STARD9: variants seen among roughly 807,000 people sequenced by gnomAD.
STARD9 encodes the protein stAR-related lipid transfer protein 9.
In STARD9, 346 loss-of-function variants were observed where a neutral mutation model predicts 399.8. That is an observed-to-expected ratio of 0.87 (90% CI 0.79 to 0.95). The LOEUF is 0.95. STARD9 is among the 40% of genes least tolerant of loss of function. The pLI is 0.00. For synonymous variants in STARD9, 2,203 were observed against 2,143.5 expected (o/e 1.03, Z -0.77); for missense variants, 5,832 against 5,667.5 (o/e 1.03, Z -0.93).
In STARD9 at chr15:42,638,808, A is replaced by G. The variant is rs1323639394; in HGVS notation, c.555A>G (p.Val185=). The G allele has an allele frequency of 4.6e-6, 7 of 1,525,356 alleles. No individual in the cohort carries two copies. The highest frequency in any genetic ancestry group is 6.1e-6 in the Non-Finnish European group (7 of 1,138,632). The allele number at this position is 1,525,356 out of a possible 1,614,324, so 94.5% of individuals were successfully genotyped here. Residue 185 remains valine (V), a synonymous_variant, in exon 7 of 33, where the codon GTA becomes GTG. Transcript: ENST00000290607. ...VREHPEMGPY[V]QGLSQHVVTN... is the part of the protein sequence containing the mutation. ...AGCATCCAGAGATGGGGCCCTATGT[A>G]CAAGGTGAGCTACTGTGGTCCTGGA...
intron 26 of STARD9, among the ~76,000 whole-genome samples, chr15:42,705,495 G>A (rs1410670371): frequency 3.3e-5 from 5 of 151,934 alleles, no homozygotes; most frequent in South Asian, 2.1e-4. Flanking sequence ...GTGCTGTGGC[G>A]CCATCTTGAC....
chr15:42,689,872 C>A lies in STARD9; in HGVS notation c.8294C>A (p.Pro2765Gln). The change falls in exon 23 of 33, where the codon CCG (proline) becomes CAG (glutamine). Residue 2765 changes from proline to glutamine, a missense_variant. Transcript: ENST00000290607. ...VTLHELSQSV[P>Q]QETAEGIPPG... is the part of the protein sequence containing the mutation. ...CTGCATGAGCTAAGTCAGTCAGTTCCGCAGGAGACTGCAGAGGGCATACCC... is the reference window on the plus strand; with the variant it reads ...CTGCATGAGCTAAGTCAGTCAGTTCAGCAGGAGACTGCAGAGGGCATACCC... The A allele has an allele frequency of 1.3e-6, 2 of 1,537,404 alleles. No homozygotes were observed. The highest frequency in any genetic ancestry group is 2.4e-5 in the South Asian group (2 of 84,064).
chr15:42,602,553 T>C (rs1357434864), intron 3 of STARD9, among the ~76,000 whole-genome samples: 1 of 152,180 alleles, frequency 6.6e-6, no homozygotes, highest in Non-Finnish European at 1.5e-5. Flanking sequence ...TCTCCTTGGG[T>C]GCAAATACCC....
chr15:42,588,910 G>A (rs937946214), intron 3 of STARD9, among the ~76,000 whole-genome samples: 5 of 149,340 alleles, frequency 3.3e-5, no homozygotes, highest in Non-Finnish European at 7.4e-5. Context: ...CGCCTCCTGG[G>A]TTCCAGCGAT....
intron 3 of STARD9, among the ~76,000 whole-genome samples, chr15:42,634,146 C>T (rs1047293580): frequency 1.3e-5 from 2 of 152,122 alleles, no homozygotes; most frequent in African/African-American, 2.4e-5. Context: ...CAGATGCCCA[C>T]GTAGCATTCT....
intron 1 of STARD9, 69 bp from the exon 2 acceptor site, chr15:42,583,276 CA>C: frequency 8.5e-7 from 1 of 1,178,608 alleles, no homozygotes; most frequent in African/African-American, 1.5e-5. Context: ...GTCCCACTAG[CA>C]CTGGTTTTAG....
At chr15:42,604,626 A>AT (rs11349330) in intron 3 of STARD9, among the ~76,000 whole-genome samples, 1,283 of 54,736 alleles carry the variant, frequency 0.023, 174 homozygotes, top group African/African-American at 0.051. Context: ...GATCAAATTG[A>AT]TTTTTTTTTT....
chr15:42,685,214 A>G lies in STARD9; in HGVS notation c.3636A>G (p.Glu1212=). Residue 1212 remains glutamate, a synonymous_variant, in exon 23 of 33, where the codon GAA becomes GAG. Transcript: ENST00000290607. ...FSLDSLIDAE[E]ELGEDQQEEP... ...TGGATAGCCTGATTGATGCAGAGGA[A>G]GAACTGGGGGAAGATCAGCAAGAAG... is the stretch of plus-strand genomic sequence containing the variant. 1 of 1,537,272 alleles carries G rather than the reference A, an allele frequency of 6.5e-7. No individual in the cohort carries two copies. The highest frequency in any genetic ancestry group is 8.7e-7 in the Non-Finnish European group (1 of 1,146,922).
intron 16 of STARD9, among the ~76,000 whole-genome samples, chr15:42,673,593 T>C (rs1365314867): frequency 1.3e-5 from 2 of 152,176 alleles, no homozygotes; most frequent in East Asian, 3.8e-4. Context: ...AAGGAGATGT[T>C]AATACCTGTA....
intron 3 of STARD9, among the ~76,000 whole-genome samples, chr15:42,615,935 CA>C (rs1312935075): frequency 3.3e-5 from 5 of 152,022 alleles, no homozygotes; most frequent in African/African-American, 1.2e-4. Context: ...ACAAAGACCA[CA>C]AAAATCCTTG....
intron 4 of STARD9, among the ~76,000 whole-genome samples, chr15:42,635,391 G>A (rs1281150132): frequency 6.6e-6 from 1 of 151,034 alleles, no homozygotes; most frequent in Non-Finnish European, 1.5e-5. Flanking sequence ...GTGCAGTGGC[G>A]CAATTTCAGT....
At position 42,690,938 on chromosome 15, in the gene STARD9, A is replaced by G; in HGVS notation, c.9360A>G (p.Val3120=). The part of the protein sequence containing the change: ...EPLRQFRDSS[V]GDQNAQVCQT... The stretch of plus-strand genomic sequence containing the variant: ...TGAGGCAGTTTAGGGACAGCTCTGT[A>G]GGTGACCAGAATGCACAGGTGTGTC... The change falls in exon 23 of 33, where the codon GTA becomes GTG. Residue 3120 remains valine, a synonymous_variant. Transcript: ENST00000290607. 1.3e-6 allele frequency: 2 copies of G among 1,537,208 alleles called. No individual in the cohort carries two copies. Among genetic ancestry groups the G allele is most frequent in the Non-Finnish European group, 1.7e-6 (2 of 1,146,898 alleles).
rs1281491929 is a variant in STARD9, at chr15:42,689,888, G to A, written c.8310G>A (p.Glu2770=). 6.5e-7 allele frequency: 1 copy of A among 1,537,602 alleles called. No homozygotes were observed. The stretch of plus-strand genomic sequence containing the variant: ...AGTCAGTTCCGCAGGAGACTGCAGA[G>A]GGCATACCCCCTGGCAGTCAGGACA... ...LSQSVPQETA[E]GIPPGSQDSS... The change falls in exon 23 of 33, where the codon GAG becomes GAA. Residue 2770 remains glutamate, a synonymous_variant. Coordinates refer to ENST00000290607, the MANE Select transcript of STARD9 (RefSeq NM_020759.3).
At position 42,688,191 on chromosome 15, in the gene STARD9, G is replaced by A. The variant is rs1467305923; in HGVS notation, c.6613G>A (p.Ala2205Thr). ...NTSLHPQRMKALARALPLQPR... is the reference protein window; with the variant it reads ...NTSLHPQRMKTLARALPLQPR... Reference sequence around the variant, plus strand: ...TTCTCTTCACCCACAGAGAATGAAAGCATTGGCTAGAGCTCTGCCATTGCA... The same window carrying A: ...TTCTCTTCACCCACAGAGAATGAAAACATTGGCTAGAGCTCTGCCATTGCA... The change falls in exon 23 of 33, where the codon GCA becomes ACA. Residue 2205 changes from alanine to threonine, a missense_variant. By Grantham distance (58) the Ala-to-Thr change is moderately conservative. This residue lies in a region of STARD9 where 5,828 missense variants were observed against 5,651.1 expected (regional missense o/e 1.03). Transcript: ENST00000290607. 1 of 1,537,498 alleles carries A rather than the reference G, an allele frequency of 6.5e-7. No individual in the cohort carries two copies. The highest frequency in any genetic ancestry group is 1.4e-5 in the African/African-American group (1 of 73,178).
intron 15 of STARD9, among the ~76,000 whole-genome samples, chr15:42,668,100 T>A (rs755055969): frequency 2.0e-5 from 3 of 152,178 alleles, no homozygotes; most frequent in African/African-American, 4.8e-5. Context: ...GGCTGTATGA[T>A]CTTAGGCAGT....
In STARD9 at chr15:42,694,132, A is replaced by C. The variant is rs765923955; in HGVS notation, c.12554A>C (p.His4185Pro). The stretch of plus-strand genomic sequence containing the variant: ...AGTCCCCCACAACCTCCTAATGACC[A>C]CAGCCAGGATTCTGAGTGGTCCAAG... ...EQSPPQPPND[H>P]SQDSEWSKRE... The change falls in exon 23 of 33, where the codon CAC becomes CCC. Residue 4185 changes from histidine (H) to proline (P), a missense_variant. By Grantham distance (77) the His-to-Pro change is moderately conservative. Coordinates refer to ENST00000290607, the MANE Select transcript of STARD9 (RefSeq NM_020759.3). 34 of 1,536,796 alleles carry C rather than the reference A, an allele frequency of 2.2e-5. No homozygotes were observed. In the African/African-American group the frequency reaches 4.2e-4, roughly 19 times the overall value.
intron 3 of STARD9, among the ~76,000 whole-genome samples, chr15:42,593,478 C>T (rs187509738): frequency 2.3e-4 from 35 of 152,060 alleles, no homozygotes; most frequent in African/African-American, 8.0e-4. Context: ...GAAAGAATTG[C>T]TCCTATTCTT....
rs1217883396 is a variant in STARD9 at position 42,686,325 on chromosome 15, G to C, written c.4747G>C (p.Glu1583Gln). ...AGATTTCTTTAGCACTAGTGAGAAA[G>C]AGGCGAGTTATGACGAAACTTATTC... ...VSDFFSTSEK[E>Q]ASYDETYSAD... Residue 1583 changes from glutamate (E) to glutamine (Q), a missense_variant, in exon 23 of 33, where the codon GAG becomes CAG. Coordinates refer to ENST00000290607, the MANE Select transcript of STARD9 (RefSeq NM_020759.3). 6.5e-7 allele frequency: 1 copy of C among 1,537,520 alleles called. No homozygotes were observed. The highest frequency in any genetic ancestry group is 8.7e-7 in the Non-Finnish European group (1 of 1,146,960).
chr15:42,620,872 A>C (rs2059079225), intron 3 of STARD9, among the ~76,000 whole-genome samples: 1 of 152,046 alleles, frequency 6.6e-6, no homozygotes, highest in Non-Finnish European at 1.5e-5. Flanking sequence ...CTCCTGCCTC[A>C]GCTTCCTGTG....
Sources: allele counts gnomAD v4.1 joint callset (sites outside exome capture counted in the v4.1 genomes callset), GRCh38; gene constraint gnomAD v4.1.1; regional missense constraint gnomAD v4.1.1; transcripts MANE v1.5; gene names NCBI Gene and HGNC (gene_info 2026-07-23, HGNC 2026-07-21).